The following COX6C variants were observed in gnomAD, a reference collection of about 807,000 sequenced individuals.
The protein encoded by COX6C is cytochrome c oxidase subunit 6C.
Under a neutral mutation model 6.9 loss-of-function variants are expected in COX6C, and 3 were observed. That is an observed-to-expected ratio of 0.43 (90% CI 0.20 to 1.12). The LOEUF (loss-of-function observed/expected upper bound fraction) is 1.12, where lower values mean the gene tolerates loss of function less well. COX6C is among the 50% of genes most tolerant of loss of function. COX6C has a pLI of 0.27. For synonymous variants in COX6C, 32 were observed against 32.0 expected (o/e 1.00, Z 0.00); for missense variants, 101 against 97.3 (o/e 1.04, Z -0.16).
chr8:99,893,554 A>G (rs2131014304), intron 1 of COX6C, 85 bp downstream of exon 1: 1 of 152,536 alleles, frequency 6.6e-6, no homozygotes, highest in Admixed American at 6.5e-5. Flanking sequence ...AGTCACGACT[A>G]AATCCGAGGC....
At chr8:99,892,487 C>G (rs1352369869) in intron 1 of COX6C, among the ~76,000 whole-genome samples, 1 of 152,166 alleles carries the variant, frequency 6.6e-6, no homozygotes, top group African/African-American at 2.4e-5. Context: ...TCCTGCATAC[C>G]TCATGTAGCT....
At chr8:99,891,790 A>C in intron 2 of COX6C, 118 bp downstream of exon 2, 1 of 828,638 alleles carries the variant, frequency 1.2e-6, no homozygotes, top group Non-Finnish European at 2.0e-6. Context: ...TGTCACACTG[A>C]GGTGAGTGCA....
chr8:99,889,864 G>A (rs544859687), intron 2 of COX6C, among the ~76,000 whole-genome samples: 78 of 151,890 alleles, frequency 5.1e-4, no homozygotes, highest in African/African-American at 1.8e-3. Flanking sequence ...GCCGAGGCGG[G>A]CGGATCATGA....
At chr8:99,891,699 C>A (rs1490438952) in intron 2 of COX6C, among the ~76,000 whole-genome samples, 1 of 152,274 alleles carries the variant, frequency 6.6e-6, no homozygotes, top group East Asian at 1.9e-4. Flanking sequence ...AAATTTAAGG[C>A]ACCCAGTCTG....
chr8:99,893,535 G>A (rs142366632), intron 1 of COX6C, 104 bp downstream of exon 1: 1,712 of 152,466 alleles, frequency 0.011, 13 homozygotes, highest in Non-Finnish European at 0.017. Context: ...CACCACGGCG[G>A]AGACACACAG....
At chr8:99,892,073 T>C in intron 1 of COX6C, 21 bp from the exon 2 acceptor site, 4 of 1,393,520 alleles carry the variant, frequency 2.9e-6, no homozygotes, top group African/African-American at 1.4e-5. Context: ...TCAGAAAATA[T>C]GATTAAGTAC....
At chr8:99,887,412 G>C (rs1817958485) in intron 3 of COX6C, 78 bp downstream of exon 3, 1 of 733,514 alleles carries the variant, frequency 1.4e-6, no homozygotes, top group Non-Finnish European at 2.1e-6. Context: ...TCTAAACATT[G>C]TGAGGGACAG....
chr8:99,889,384 A>ATT (rs11287901), intron 2 of COX6C, among the ~76,000 whole-genome samples: 6 of 126,324 alleles, frequency 4.7e-5, no homozygotes, highest in Middle Eastern at 3.8e-3. Context: ...CCACCTCCCA[A>ATT]TTTTTTTTTT....
intron 2 of COX6C, among the ~76,000 whole-genome samples, chr8:99,890,756 G>A (rs1416092445): frequency 6.6e-6 from 1 of 152,090 alleles, no homozygotes; most frequent in Non-Finnish European, 1.5e-5. Context: ...CATTTTTACG[G>A]AAAAGTTGTA....
intron 2 of COX6C, among the ~76,000 whole-genome samples, chr8:99,889,184 C>G (rs1365930369): frequency 6.6e-6 from 1 of 152,138 alleles, no homozygotes; most frequent in Non-Finnish European, 1.5e-5. Flanking sequence ...GCAGGAATCT[C>G]AAGGACCAAA....
At chr8:99,883,471 A>AT (rs71274942) in intron 3 of COX6C, among the ~76,000 whole-genome samples, 150 of 137,732 alleles carry the variant, frequency 1.1e-3, no homozygotes, top group Middle Eastern at 7.4e-3. Context: ...ATATATATAT[A>AT]TTTTTTTTTT....
At chr8:99,883,494 G>A (rs547062868) in intron 3 of COX6C, among the ~76,000 whole-genome samples, 24 of 148,914 alleles carry the variant, frequency 1.6e-4, no homozygotes, top group African/African-American at 5.8e-4. Flanking sequence ...TAGAGATGGG[G>A]TCTTGCCATG....
In COX6C at chr8:99,891,897, A is replaced by C. The variant is rs891382814; in HGVS notation, c.114+11T>G. On this transcript the variant is annotated intron_variant, in intron 2 of 3. Coordinates refer to ENST00000520468, the MANE Select transcript of COX6C (RefSeq NM_004374.4). ...TTATGACCTTCGGCACAAAGTAAAA[A>C]ACATACATACCTTATACAAAGCTGC... The C allele has an allele frequency of 1.9e-6, 3 of 1,611,994 alleles. No homozygotes were observed. Among genetic ancestry groups the C allele is most frequent in the African/African-American group, 1.3e-5 (1 of 74,884 alleles).
At chr8:99,889,326 A>C (rs558435176) in intron 2 of COX6C, among the ~76,000 whole-genome samples, 1 of 150,148 alleles carries the variant, frequency 6.7e-6, no homozygotes, top group East Asian at 2.0e-4. Context: ...GTCTGGCTCT[A>C]TCGCCCAGCC....
chr8:99,879,048 T>C (rs1817809626), intron 3 of COX6C, among the ~76,000 whole-genome samples: 1 of 152,238 alleles, frequency 6.6e-6, no homozygotes, highest in South Asian at 2.1e-4. Context: ...ATTCTCTGTG[T>C]CACAGCAAAC....
chr8:99,891,460 G>A (rs1818030508), intron 2 of COX6C, among the ~76,000 whole-genome samples: 1 of 151,800 alleles, frequency 6.6e-6, no homozygotes, highest in Non-Finnish European at 1.5e-5. Flanking sequence ...GGGAGACAGA[G>A]TAAGACCCTG....
At chr8:99,885,277 T>G (rs998458784) in intron 3 of COX6C, among the ~76,000 whole-genome samples, 1 of 152,234 alleles carries the variant, frequency 6.6e-6, no homozygotes, top group Non-Finnish European at 1.5e-5. Context: ...TTTGTTATTG[T>G]TGCTCATCTC....
chr8:99,883,435 G>A (rs540012868), intron 3 of COX6C, among the ~76,000 whole-genome samples: 12 of 129,872 alleles, frequency 9.2e-5, no homozygotes, highest in Non-Finnish European at 1.8e-4. Context: ...ATATATGTAT[G>A]TGTGTGTGTG....
At chr8:99,885,737 T>A (rs1817934910) in intron 3 of COX6C, among the ~76,000 whole-genome samples, 1 of 152,344 alleles carries the variant, frequency 6.6e-6, no homozygotes, top group Admixed American at 6.5e-5. Context: ...TTGGCAATGA[T>A]TTATTGAATA....
Sources: gnomAD v4.1 joint callset for allele counts (sites outside exome capture counted in the v4.1 genomes callset) on GRCh38, gnomAD v4.1.1 for gene constraint, MANE v1.5 for transcripts, NCBI Gene and HGNC (gene_info 2026-07-23, HGNC 2026-07-21) for gene names.